The following PTPRD variants were observed in gnomAD, a reference collection of about 807,000 sequenced individuals.
The protein encoded by PTPRD is protein tyrosine phosphatase receptor type D.
PTPRD carries 34 observed loss-of-function variants against 214.5 expected under a neutral mutation model. The observed-to-expected ratio is 0.16, with a 90% CI of 0.12 to 0.21. PTPRD has a LOEUF of 0.21. Among genes scored for constraint, PTPRD ranks in the 10% least tolerant of loss-of-function variants. The pLI, the probability that PTPRD is intolerant of heterozygous loss-of-function variation, is 1.00. For synonymous variants in PTPRD, 1,128 were observed against 845.7 expected (o/e 1.33, Z -5.79); for missense variants, 2,545 against 2,398.7 (o/e 1.06, Z -1.27).
intron 10 of PTPRD, among the ~76,000 whole-genome samples, chr9:9,085,688 C>T (rs2099766110): frequency 6.6e-6 from 1 of 151,852 alleles, no homozygotes; most frequent in Non-Finnish European, 1.5e-5. Context: ...GATTTTTCTG[C>T]TTAATTGTCG....
At chr9:8,959,331 G>C (rs1018604639) in intron 11 of PTPRD, among the ~76,000 whole-genome samples, 1 of 151,992 alleles carries the variant, frequency 6.6e-6, no homozygotes, top group Non-Finnish European at 1.5e-5. Context: ...GGATCTCTGA[G>C]AAACTGACTT....
chr9:8,786,683 G>C (rs1463748327), intron 11 of PTPRD, among the ~76,000 whole-genome samples: 1 of 151,668 alleles, frequency 6.6e-6, no homozygotes, highest in Admixed American at 6.6e-5. Flanking sequence ...CTAAAGTGCT[G>C]GGATTACAGG....
chr9:9,555,540 A>G (rs537110329), intron 8 of PTPRD, among the ~76,000 whole-genome samples: 101 of 152,240 alleles, frequency 6.6e-4, no homozygotes, highest in African/African-American at 2.4e-3. Context: ...CACTTCATAT[A>G]TTGTGCCACT....
At chr9:10,107,386 C>T (rs72694873) in intron 3 of PTPRD, among the ~76,000 whole-genome samples, 7,997 of 152,046 alleles carry the variant, frequency 0.053, 276 homozygotes, top group Admixed American at 0.1. Context: ...AAAGATCATG[C>T]TGCATAAACA....
chr9:8,991,059 A>T (rs1421005462), intron 11 of PTPRD, among the ~76,000 whole-genome samples: 6 of 101,752 alleles, frequency 5.9e-5, no homozygotes, highest in Admixed American at 8.8e-5. Flanking sequence ...TACCAAAAAT[A>T]AAAAAAAAAA....
At chr9:10,411,224 C>T (rs4631514) in intron 2 of PTPRD, among the ~76,000 whole-genome samples, 4 of 151,694 alleles carry the variant, frequency 2.6e-5, no homozygotes, top group African/African-American at 9.7e-5. Context: ...CAATAGGCCT[C>T]TAAATCACCT....
At chr9:10,590,774 G>C (rs1245023395) in intron 2 of PTPRD, among the ~76,000 whole-genome samples, 1 of 151,536 alleles carries the variant, frequency 6.6e-6, no homozygotes, top group Non-Finnish European at 1.5e-5. Context: ...ATCTCCTTTA[G>C]GAGTTTCACA....
chr9:8,821,868 T>C (rs922142669), intron 11 of PTPRD, among the ~76,000 whole-genome samples: 3 of 152,226 alleles, frequency 2.0e-5, no homozygotes, highest in Non-Finnish European at 2.9e-5. Context: ...TTTCACCATC[T>C]TGGCCAGGCT....
At chr9:8,550,871 A>C (rs2081889769) in intron 14 of PTPRD, among the ~76,000 whole-genome samples, 1 of 152,218 alleles carries the variant, frequency 6.6e-6, no homozygotes, top group South Asian at 2.1e-4. Flanking sequence ...AGAACGCAAC[A>C]GCACCAAGGC....
intron 8 of PTPRD, among the ~76,000 whole-genome samples, chr9:9,412,260 C>G (rs567452644): frequency 6.6e-6 from 1 of 151,968 alleles, no homozygotes; most frequent in African/African-American, 2.4e-5. Context: ...AATAAATTCG[C>G]TTTTTGTAAA....
chr9:9,936,271 T>C (rs2089357179), intron 5 of PTPRD, among the ~76,000 whole-genome samples: 1 of 150,702 alleles, frequency 6.6e-6, no homozygotes, highest in Non-Finnish European at 1.5e-5. Flanking sequence ...CAAAAGAAAC[T>C]ACCATCAGAG....
intron 3 of PTPRD, among the ~76,000 whole-genome samples, chr9:10,072,043 T>C (rs1284004261): frequency 1.3e-5 from 2 of 151,936 alleles, no homozygotes; most frequent in Non-Finnish European, 2.9e-5. Context: ...TTAATTATAC[T>C]CTGTAAAAGA....
At chr9:9,557,453 ATATTT>A (rs1203680205) in intron 8 of PTPRD, among the ~76,000 whole-genome samples, 1 of 152,186 alleles carries the variant, frequency 6.6e-6, no homozygotes, top group Non-Finnish European at 1.5e-5. Flanking sequence ...ATTTTTTGAC[ATATTT>A]TGAAATGCAC....
rs2099945127 is a variant in PTPRD at position 9,206,786 on chromosome 9, C to T, written c.-202-23423G>A. On this transcript the variant is annotated intron_variant, in intron 9 of 45. Transcript: ENST00000381196. ...TTCCACTGGCTTTTGGGCCTTGGGC[C>T]ACAGACTGAAGGCTGCACTACTTTT... 2.0e-5 allele frequency among the ~76,000 whole-genome samples: 3 copies of T among 152,104 alleles called. No individual in the cohort carries two copies. In the South Asian group the frequency reaches 6.2e-4, roughly 32 times the overall value.
chr9:10,145,627 G>T (rs2099016822), intron 3 of PTPRD, among the ~76,000 whole-genome samples: 1 of 152,092 alleles, frequency 6.6e-6, no homozygotes, highest in East Asian at 1.9e-4. Context: ...TAAGTTTTGG[G>T]GGAGTAAAAA....
At chr9:9,967,332 C>T (rs929133684) in intron 4 of PTPRD, among the ~76,000 whole-genome samples, 3 of 152,044 alleles carry the variant, frequency 2.0e-5, no homozygotes, top group Non-Finnish European at 4.4e-5. Flanking sequence ...GAAATAAAGG[C>T]CCTTAACAAC....
intron 3 of PTPRD, among the ~76,000 whole-genome samples, chr9:10,252,040 T>C (rs1380541452): frequency 1.3e-5 from 2 of 152,128 alleles, no homozygotes; most frequent in Admixed American, 6.5e-5. Context: ...TTAATTAGCC[T>C]GATTTGCTCA....
At chr9:10,105,048 C>T (rs953459494) in intron 3 of PTPRD, among the ~76,000 whole-genome samples, 2 of 151,834 alleles carry the variant, frequency 1.3e-5, no homozygotes, top group African/African-American at 4.8e-5. Flanking sequence ...TTAATGCCTC[C>T]TTTGGGACAT....
intron 2 of PTPRD, among the ~76,000 whole-genome samples, chr9:10,410,422 C>G (rs1002096778): frequency 1.3e-5 from 2 of 150,980 alleles, no homozygotes; most frequent in African/African-American, 4.9e-5. Context: ...TGACTCTCAG[C>G]AGTAAGCTAG....
Sources: gnomAD v4.1 joint callset for allele counts (sites outside exome capture counted in the v4.1 genomes callset) on GRCh38, gnomAD v4.1.1 for gene constraint, MANE v1.5 for transcripts, NCBI Gene and HGNC (gene_info 2026-07-23, HGNC 2026-07-21) for gene names.